Variants in SCOC observed in about 807,000 individuals in gnomAD.
The protein encoded by SCOC is short coiled-coil protein, also known as short coiled coil protein.
SCOC carries 7 observed loss-of-function variants against 9.9 expected under a neutral mutation model. That is an observed-to-expected ratio of 0.71 (90% CI 0.40 to 1.33). The LOEUF (loss-of-function observed/expected upper bound fraction) is 1.33, where lower values mean the gene tolerates loss of function less well. Among genes scored for constraint, SCOC ranks in the 40% most tolerant of loss-of-function variants. SCOC has a pLI of 0.01. For synonymous variants in SCOC, 19 were observed against 28.2 expected (o/e 0.67, Z 1.03); for missense variants, 66 against 89.7 (o/e 0.74, Z 1.07).
intron 2 of SCOC, among the ~76,000 whole-genome samples, chr4:140,346,290 C>A (rs1227187577): frequency 6.6e-6 from 1 of 152,096 alleles, no homozygotes; most frequent in African/African-American, 2.4e-5. Flanking sequence ...TGGTGATTGT[C>A]CAGAAAGACA....
chr4:140,366,035 AC>A (rs1332201767), intron 2 of SCOC, among the ~76,000 whole-genome samples: 2 of 152,248 alleles, frequency 1.3e-5, no homozygotes, highest in Non-Finnish European at 2.9e-5. Context: ...AGGAACTCTA[AC>A]AAGTTGATTA....
At chr4:140,345,620 G>GCA (rs1726702677) in intron 2 of SCOC, among the ~76,000 whole-genome samples, 1 of 152,124 alleles carries the variant, frequency 6.6e-6, no homozygotes, top group Admixed American at 6.5e-5. Flanking sequence ...TCAAATTGTG[G>GCA]AATCCTTGCA....
At chr4:140,343,694 T>C (rs141011623) in exon 2 of SCOC, 121 of 1,611,326 alleles carry the variant, frequency 7.5e-5, no homozygotes, top group Middle Eastern at 1.6e-4. Flanking sequence ...AACATTTCTC[T>C]TGCAGATGAC....
intron 1 of SCOC, among the ~76,000 whole-genome samples, chr4:140,316,898 A>C (rs191298947): frequency 6.6e-6 from 1 of 152,334 alleles, no homozygotes; most frequent in East Asian, 1.9e-4. Flanking sequence ...CTAGAAATCA[A>C]TTAAATTTGA....
upstream of SCOC, among the ~76,000 whole-genome samples, chr4:140,372,450 G>A (rs1728095988): frequency 6.6e-6 from 1 of 152,064 alleles, no homozygotes; most frequent in South Asian, 2.1e-4. Context: ...CACAATCTTG[G>A]AAAATTCTTA....
At chr4:140,376,772 T>C (rs1056133077) in intron 1 of SCOC, 1 of 152,234 alleles carries the variant, frequency 6.6e-6, no homozygotes, top group African/African-American at 2.4e-5. Context: ...CTTTACCTCT[T>C]ATATTGGTGA....
At chr4:140,292,961 C>T (rs1731518485) in intron 1 of SCOC, among the ~76,000 whole-genome samples, 1 of 152,198 alleles carries the variant, frequency 6.6e-6, no homozygotes. Context: ...TCTTCCAGTG[C>T]AGGAGAGAAG....
intron 2 of SCOC, among the ~76,000 whole-genome samples, chr4:140,350,662 C>T (rs960478984): frequency 6.6e-6 from 1 of 152,198 alleles, no homozygotes; most frequent in African/African-American, 2.4e-5. Flanking sequence ...ACTTTGAAGT[C>T]AGAAATGCCT....
intron 2 of SCOC, among the ~76,000 whole-genome samples, chr4:140,344,994 C>G (rs906095900): frequency 6.6e-6 from 1 of 152,132 alleles, no homozygotes; most frequent in African/African-American, 2.4e-5. Flanking sequence ...CCTCATCACA[C>G]CCCTTCAACT....
At chr4:140,262,943 C>G (rs1464591878) in intron 1 of SCOC, among the ~76,000 whole-genome samples, 1 of 152,084 alleles carries the variant, frequency 6.6e-6, no homozygotes, top group African/African-American at 2.4e-5. Flanking sequence ...ACCCCATGAT[C>G]CAATCACCTC....
At chr4:140,338,488 A>G (rs1199152544), upstream of SCOC, among the ~76,000 whole-genome samples, 2 of 152,364 alleles carry the variant, frequency 1.3e-5, no homozygotes, top group Admixed American at 6.5e-5. Flanking sequence ...GTATTCAATC[A>G]GGAAAAGAGG....
chr4:140,305,878 G>A (rs1473596661), intron 1 of SCOC, among the ~76,000 whole-genome samples: 1 of 152,150 alleles, frequency 6.6e-6, no homozygotes, highest in African/African-American at 2.4e-5. Context: ...TAGAGTCAGG[G>A]GGACCTTTCA....
intron 1 of SCOC, among the ~76,000 whole-genome samples, chr4:140,315,239 G>T (rs1212121791): frequency 1.3e-5 from 2 of 152,238 alleles, no homozygotes; most frequent in African/African-American, 4.8e-5. Context: ...CTGAGTAACA[G>T]TACAAAGTAG....
At chr4:140,323,349 T>C (rs1732555280) in intron 1 of SCOC, among the ~76,000 whole-genome samples, 1 of 152,208 alleles carries the variant, frequency 6.6e-6, no homozygotes, top group Non-Finnish European at 1.5e-5. Context: ...GCTGGTGCCA[T>C]GCTTGTACAG....
At chr4:140,333,336 G>A (rs190658238) in intron 1 of SCOC, among the ~76,000 whole-genome samples, 48 of 151,944 alleles carry the variant, frequency 3.2e-4, no homozygotes, top group African/African-American at 1.1e-3. Context: ...GTGTGTTTAG[G>A]TATACATACA....
At chr4:140,279,083 C>G (rs1421675668) in intron 1 of SCOC, among the ~76,000 whole-genome samples, 2 of 152,188 alleles carry the variant, frequency 1.3e-5, no homozygotes, top group African/African-American at 4.8e-5. Context: ...CCAGCCTCAT[C>G]TAGTTCCTCA....
chr4:140,325,946 T>C (rs1732632014), intron 1 of SCOC, among the ~76,000 whole-genome samples: 3 of 152,130 alleles, frequency 2.0e-5, no homozygotes, highest in African/African-American at 7.2e-5. Context: ...CTTCAGTAGG[T>C]AATGGAATAA....
At chr4:140,371,724 C>T (rs1578877052), upstream of SCOC, among the ~76,000 whole-genome samples, 2 of 152,080 alleles carry the variant, frequency 1.3e-5, no homozygotes, top group African/African-American at 4.8e-5. Flanking sequence ...AATAGAATTA[C>T]CATATGATTC....
intron 2 of SCOC, among the ~76,000 whole-genome samples, chr4:140,344,657 G>A (rs1039153324): frequency 6.6e-6 from 1 of 152,096 alleles, no homozygotes; most frequent in Non-Finnish European, 1.5e-5. Flanking sequence ...TCTTTATAAG[G>A]GGAGGAAAGG....
Sources: gnomAD v4.1 joint callset for allele counts (sites outside exome capture counted in the v4.1 genomes callset) on GRCh38, gnomAD v4.1.1 for gene constraint, MANE v1.5 for transcripts, NCBI Gene and HGNC (gene_info 2026-07-23, HGNC 2026-07-21) for gene names.